The following EFCAB6 variants were observed in gnomAD, a reference collection of about 807,000 sequenced individuals.
EFCAB6 encodes the protein EF-hand calcium-binding domain-containing protein 6.
EFCAB6 carries 156 observed loss-of-function variants against 169.8 expected under a neutral mutation model. That is an observed-to-expected ratio of 0.92 (90% CI 0.81 to 1.05). The LOEUF is 1.05. Among genes scored for constraint, EFCAB6 ranks in the 50% least tolerant of loss-of-function variants. The pLI is 0.00. For missense variants in EFCAB6, 1,800 were observed against 1,829.1 expected, an observed-to-expected ratio of 0.98 and a Z score of 0.29; for synonymous variants, 698 against 676.4, an observed-to-expected ratio of 1.03 and a Z score of -0.50.
chr22:43,720,178 A>G (rs2059471374), intron 8 of EFCAB6, among the ~76,000 whole-genome samples: 1 of 152,094 alleles, frequency 6.6e-6, no homozygotes, highest in African/African-American at 2.4e-5. Context: ...TGAAAAAAAA[A>G]ATCATTTCAG....
In EFCAB6 at chr22:43,649,112, A is replaced by G. The variant is rs113377567; in HGVS notation, c.1984-13896T>C. On this transcript the variant is annotated intron_variant, in intron 17 of 31. Transcript: ENST00000262726. ...AGAGGGATACAGAGCCCGAGGGGGA[A>G]AAAAGTCCCCGGGCTGAGAACCCAG... is the stretch of plus-strand genomic sequence containing the variant. Among the ~76,000 whole-genome samples the G allele has an allele frequency of 5.9e-4, 90 of 152,334 alleles. 1 individual carries two copies. The highest frequency in any genetic ancestry group is 1.1e-3 in the Non-Finnish European group (77 of 68,018).
At chr22:43,735,311 GCACACCCCACCCTCCTGCC>G (rs2060091800) in intron 7 of EFCAB6, among the ~76,000 whole-genome samples, 1 of 37,058 alleles carries the variant, frequency 2.7e-5, no homozygotes, top group Non-Finnish European at 6.7e-5. Flanking sequence ...CCCTCCTGCC[GCACACCCCACCCTCCTGCC>G]GCACACCCCA....
chr22:43,602,306 A>G (rs1462121189), intron 22 of EFCAB6, among the ~76,000 whole-genome samples: 1 of 152,196 alleles, frequency 6.6e-6, no homozygotes, highest in Non-Finnish European at 1.5e-5. Context: ...TTAAAACCCA[A>G]CAAGACAACA....
chr22:43,731,510 G>A (rs2059946021), intron 8 of EFCAB6, among the ~76,000 whole-genome samples, 189 bp downstream of exon 8: 1 of 152,048 alleles, frequency 6.6e-6, no homozygotes, highest in Non-Finnish European at 1.5e-5. Flanking sequence ...TGGCTATATT[G>A]TGACTCATTT....
chr22:43,600,250 C>T lies in EFCAB6; in HGVS notation c.2695G>A (p.Gly899Arg). 1 of 1,613,914 alleles carries T rather than the reference C, an allele frequency of 6.2e-7. No homozygotes were observed. Among genetic ancestry groups the T allele is most frequent in the South Asian group, 1.1e-5 (1 of 91,018 alleles). The change falls in exon 23 of 32, where the codon GGA becomes AGA. Residue 899 changes from glycine (G) to arginine (R), a missense_variant. Gly to Arg is a moderately radical substitution (Grantham distance 125). Coordinates refer to ENST00000262726, the MANE Select transcript of EFCAB6 (RefSeq NM_022785.4). ...TCCTGGTAAGTAATGTGCCCTTTTC[C>T]CTCGGTGTCGTATCTTAAAACAAAA... ...EKLWARYDTE[G>R]KGHITYQEFL...
chr22:43,540,064 C>T, intron 28 of EFCAB6, 63 bp downstream of exon 28: 2 of 1,578,232 alleles, frequency 1.3e-6, no homozygotes, highest in South Asian at 1.1e-5. Flanking sequence ...CAAAGTCCCC[C>T]CAGTGGGATT....
intron 6 of EFCAB6, among the ~76,000 whole-genome samples, chr22:43,738,568 C>T (rs1464203939): frequency 6.6e-6 from 1 of 151,970 alleles, no homozygotes; most frequent in South Asian, 2.1e-4. Context: ...TGCACACACA[C>T]TTGTACATAT....
At chr22:43,542,009 C>T (rs769640952) in intron 27 of EFCAB6, among the ~76,000 whole-genome samples, 75 of 152,352 alleles carry the variant, frequency 4.9e-4, no homozygotes, top group Admixed American at 6.5e-4. Context: ...AGGTGCAGAA[C>T]GCTGTTCTGA....
At chr22:43,724,028 C>T (rs1000767673) in intron 8 of EFCAB6, among the ~76,000 whole-genome samples, 2 of 152,200 alleles carry the variant, frequency 1.3e-5, no homozygotes, top group East Asian at 1.9e-4. Flanking sequence ...CATGAACATG[C>T]TTTTTTCATT....
chr22:43,636,755 C>T (rs370872098), intron 17 of EFCAB6, among the ~76,000 whole-genome samples: 1 of 151,854 alleles, frequency 6.6e-6, no homozygotes, highest in Non-Finnish European at 1.5e-5. Context: ...GGACTACAGG[C>T]ACCTGCCACC....
intron 22 of EFCAB6, among the ~76,000 whole-genome samples, chr22:43,607,913 C>T (rs1290091211): frequency 6.6e-6 from 1 of 152,114 alleles, no homozygotes; most frequent in Non-Finnish European, 1.5e-5. Context: ...GGCCCAATTC[C>T]AAAACAGCTA....
At chr22:43,700,276 T>C (rs1245105952) in intron 10 of EFCAB6, among the ~76,000 whole-genome samples, 1 of 152,104 alleles carries the variant, frequency 6.6e-6, no homozygotes, top group Non-Finnish European at 1.5e-5. Flanking sequence ...AAGCCCTAGA[T>C]ATTGTATATT....
chr22:43,570,920 T>C (rs1445319847), intron 26 of EFCAB6, among the ~76,000 whole-genome samples: 2 of 152,198 alleles, frequency 1.3e-5, no homozygotes, highest in African/African-American at 4.8e-5. Context: ...CATGGAGCCC[T>C]GGGGCGGGCT....
At chr22:43,614,292 C>A (rs193069495) in intron 21 of EFCAB6, among the ~76,000 whole-genome samples, 1 of 150,620 alleles carries the variant, frequency 6.6e-6, no homozygotes, top group Admixed American at 6.6e-5. Flanking sequence ...GACAAGTAGA[C>A]CAATGGAACA....
chr22:43,810,286 T>G (rs939281070), intron 1 of EFCAB6, among the ~76,000 whole-genome samples: 2 of 152,174 alleles, frequency 1.3e-5, no homozygotes, highest in Admixed American at 6.5e-5. Context: ...AGTAGTAGTA[T>G]TAGTAGTTGC....
chr22:43,731,573 T>C (rs910922797), intron 8 of EFCAB6, 126 bp downstream of exon 8: 5 of 539,958 alleles, frequency 9.3e-6, no homozygotes, highest in Non-Finnish European at 1.2e-5. Context: ...AATGATACCA[T>C]GGCTAGCTTT....
At position 43,554,879 on chromosome 22, in the gene EFCAB6, GT is replaced by G. The variant is rs2048607193; in HGVS notation, c.3637del (p.Thr1213ArgfsTer20). 1.2e-6 allele frequency: 2 copies of G among 1,614,018 alleles called. No individual in the cohort carries two copies. The highest frequency in any genetic ancestry group is 2.7e-5 in the African/African-American group (2 of 74,902). ...ACTGGCGTTTCTTACCTGTTCGTCC[GT>G]CAGGATTTGGACGCGGCGATTACAA... ...AICNRRVQIL[T>X]DEQFDRLWNE... On this transcript the variant is annotated frameshift_variant, in exon 27 of 32. Coordinates refer to ENST00000262726, the MANE Select transcript of EFCAB6 (RefSeq NM_022785.4). LOFTEE classifies it high-confidence loss of function.
intron 8 of EFCAB6, among the ~76,000 whole-genome samples, chr22:43,728,754 G>A (rs147724877): frequency 0.062 from 9,422 of 152,104 alleles, 367 homozygotes; most frequent in Non-Finnish European, 0.092. Flanking sequence ...CTTTTTGATG[G>A]GGTTGTTTTC....
chr22:43,680,483 G>GA (rs137789), intron 12 of EFCAB6, among the ~76,000 whole-genome samples: 17,885 of 145,534 alleles, frequency 0.12, 1,090 homozygotes, highest in Admixed American at 0.13. Context: ...CAAAAAAAAA[G>GA]AAAAAAAAAA....
Sources: gnomAD v4.1 joint callset for allele counts (sites outside exome capture counted in the v4.1 genomes callset) on GRCh38, gnomAD v4.1.1 for gene constraint, MANE v1.5 for transcripts, NCBI Gene and HGNC (gene_info 2026-07-23, HGNC 2026-07-21) for gene names.